PAPSS1: variants seen among roughly 807,000 people sequenced by gnomAD.
PAPSS1 encodes the protein bifunctional 3'-phosphoadenosine 5'-phosphosulfate synthase 1.
A neutral mutation model predicts 72.0 loss-of-function variants in PAPSS1; 50 were observed. The ratio of observed to expected loss-of-function variants is 0.69; its 90% CI spans 0.55 to 0.88. PAPSS1 has a LOEUF of 0.88. Ranked by LOEUF, PAPSS1 falls within the 40% of genes least tolerant of loss-of-function variation. The pLI, the probability that PAPSS1 is intolerant of heterozygous loss-of-function variation, is 0.00. For synonymous variants in PAPSS1, 261 were observed against 263.6 expected (o/e 0.99, Z 0.09); for missense variants, 657 against 782.2 (o/e 0.84, Z 1.91).
At chr4:107,647,958 A>G (rs1726737097) in intron 9 of PAPSS1, among the ~76,000 whole-genome samples, 1 of 152,032 alleles carries the variant, frequency 6.6e-6, no homozygotes, top group Non-Finnish European at 1.5e-5. Context: ...TTCAATATAC[A>G]TTGCTCATTA....
intron 9 of PAPSS1, among the ~76,000 whole-genome samples, chr4:107,652,978 A>G (rs1726889333): frequency 6.6e-6 from 1 of 152,106 alleles, no homozygotes; most frequent in South Asian, 2.1e-4. Context: ...GCTGTGACAC[A>G]TCACCAAATA....
At chr4:107,707,482 C>A (rs1348065459) in intron 1 of PAPSS1, among the ~76,000 whole-genome samples, 1 of 152,186 alleles carries the variant, frequency 6.6e-6, no homozygotes, top group Non-Finnish European at 1.5e-5. Context: ...TAGGTACCAT[C>A]CTGGAGTCTG....
chr4:107,655,092 C>T (rs1226664932), intron 7 of PAPSS1, among the ~76,000 whole-genome samples, 192 bp from the exon 8 acceptor site: 6 of 132,626 alleles, frequency 4.5e-5, no homozygotes, highest in South Asian at 2.3e-4. Flanking sequence ...GAATGAGCAA[C>T]GATCTCCCAA....
chr4:107,659,821 T>A (rs375209811), intron 6 of PAPSS1, 138 bp downstream of exon 6: 1 of 577,514 alleles, frequency 1.7e-6, no homozygotes, highest in African/African-American at 2.2e-5. Flanking sequence ...TCCTTAGAAA[T>A]TGTGACATAT....
chr4:107,659,598 G>C (rs936151138), intron 6 of PAPSS1, among the ~76,000 whole-genome samples: 2 of 152,114 alleles, frequency 1.3e-5, no homozygotes, highest in Non-Finnish European at 2.9e-5. Context: ...TTTGGCAAGG[G>C]ATTAGAAAAC....
chr4:107,683,554 G>T (rs1314788316), intron 4 of PAPSS1, among the ~76,000 whole-genome samples: 4 of 152,078 alleles, frequency 2.6e-5, no homozygotes, highest in Admixed American at 6.5e-5. Flanking sequence ...CAAGCACTGG[G>T]TTAGAAGAGG....
At chr4:107,706,559 G>T (rs1427478752) in intron 1 of PAPSS1, among the ~76,000 whole-genome samples, 1 of 151,674 alleles carries the variant, frequency 6.6e-6, no homozygotes, top group Non-Finnish European at 1.5e-5. Context: ...AGGTTTGCTG[G>T]GCTTCCTTAA....
chr4:107,654,763 CA>C lies in PAPSS1; in HGVS notation c.1032del (p.Phe344LeufsTer26). The C allele has an allele frequency of 6.2e-7, 1 of 1,613,882 alleles. No individual in the cohort carries two copies. The highest frequency in any genetic ancestry group is 8.5e-7 in the Non-Finnish European group (1 of 1,179,892). On this transcript the variant is annotated frameshift_variant, in exon 8 of 12. Coordinates refer to ENST00000265174, the MANE Select transcript of PAPSS1 (RefSeq NM_005443.5). LOFTEE classifies it high-confidence loss of function. ...RVAILRNPEF[F>X]EHRKEERCAR... ...GCACAGCGCTCCTCTTTCCTGTGCT[CA>C]AAAAACTCTGGATTGCGAAGAATGG... is the stretch of plus-strand genomic sequence containing the variant.
intron 5 of PAPSS1, among the ~76,000 whole-genome samples, chr4:107,661,568 T>C (rs571976108): frequency 6.6e-5 from 10 of 152,208 alleles, no homozygotes; most frequent in East Asian, 1.9e-4. Context: ...TAAGTGAAAA[T>C]AGCCAATCTG....
rs1722637314 is a variant in PAPSS1, at chr4:107,682,096, C to T, written c.588G>A (p.Glu196=). The T allele has an allele frequency of 8.7e-6, 14 of 1,610,092 alleles. No homozygotes were observed. The highest frequency in any genetic ancestry group is 1.3e-5 in the African/African-American group (1 of 74,888). ...CTGTTTTCAGCACCAACTCAGGGGC[C>T]TCTGGCTTTTCATATTCAGAATCGA... ...TGIDSEYEKP[E]APELVLKTDS... Residue 196 remains glutamate, a synonymous_variant, in exon 5 of 12, where the codon GAG becomes GAA. Transcript: ENST00000265174.
intron 5 of PAPSS1, among the ~76,000 whole-genome samples, chr4:107,664,877 A>T (rs1440076308): frequency 6.6e-6 from 1 of 152,168 alleles, no homozygotes; most frequent in Admixed American, 6.5e-5. Context: ...AAGAAGGGAA[A>T]TTTTTTCATA....
intron 11 of PAPSS1, among the ~76,000 whole-genome samples, chr4:107,614,735 T>C (rs893793857): frequency 6.6e-6 from 1 of 152,164 alleles, no homozygotes. Flanking sequence ...ACAGCCAGGA[T>C]TATCAGTGTG....
intron 5 of PAPSS1, among the ~76,000 whole-genome samples, chr4:107,677,807 C>T (rs1727695565): frequency 6.6e-6 from 1 of 152,184 alleles, no homozygotes; most frequent in South Asian, 2.1e-4. Context: ...CAATGATAGA[C>T]TGGATTAAGA....
chr4:107,624,304 T>G (rs1348045028), intron 11 of PAPSS1, among the ~76,000 whole-genome samples: 1 of 152,226 alleles, frequency 6.6e-6, no homozygotes, highest in Non-Finnish European at 1.5e-5. Context: ...GTCAAGCAAG[T>G]GCTAACTGCG....
At chr4:107,684,896 TA>T (rs1354261069) in intron 4 of PAPSS1, among the ~76,000 whole-genome samples, 1 of 151,988 alleles carries the variant, frequency 6.6e-6, no homozygotes, top group Non-Finnish European at 1.5e-5. Context: ...TGGTTCAGAG[TA>T]AATCTCTTCA....
At chr4:107,654,950 G>C (rs17496152) in intron 7 of PAPSS1, 50 bp from the exon 8 acceptor site, 1 of 1,382,992 alleles carries the variant, frequency 7.2e-7, no homozygotes, top group Non-Finnish European at 1.0e-6. Context: ...TACTCAACAC[G>C]CTTTACTTAA....
chr4:107,716,345 G>C (rs1578442753), intron 1 of PAPSS1, among the ~76,000 whole-genome samples: 1 of 152,238 alleles, frequency 6.6e-6, no homozygotes, highest in East Asian at 1.9e-4. Flanking sequence ...ATCCCAGGGA[G>C]AAGGAAAGGC....
chr4:107,675,989 T>C (rs1443682691), intron 5 of PAPSS1, among the ~76,000 whole-genome samples: 1 of 152,202 alleles, frequency 6.6e-6, no homozygotes, highest in East Asian at 1.9e-4. Context: ...CAACAATGCG[T>C]CACGCTAAAA....
chr4:107,657,949 T>A (rs542901235), intron 6 of PAPSS1, among the ~76,000 whole-genome samples: 1 of 152,236 alleles, frequency 6.6e-6, no homozygotes, highest in Non-Finnish European at 1.5e-5. Context: ...ACACAGCTTA[T>A]GGTCTCCAAA....
Sources: gnomAD v4.1 joint callset for allele counts (sites outside exome capture counted in the v4.1 genomes callset) on GRCh38, gnomAD v4.1.1 for gene constraint, MANE v1.5 for transcripts, NCBI Gene and HGNC (gene_info 2026-07-23, HGNC 2026-07-21) for gene names.